TRPM3: variants seen among roughly 807,000 people sequenced by gnomAD.
TRPM3 encodes transient receptor potential cation channel subfamily M member 3, also known as long transient receptor potential channel 3.
Under a neutral mutation model 181.2 loss-of-function variants are expected in TRPM3, and 77 were observed. That is an observed-to-expected ratio of 0.42 (90% CI 0.35 to 0.51). The LOEUF (loss-of-function observed/expected upper bound fraction) is 0.51, where lower values mean the gene tolerates loss of function less well. Among genes scored for constraint, TRPM3 ranks in the 20% least tolerant of loss-of-function variants. The pLI, the probability that TRPM3 is intolerant of heterozygous loss-of-function variation, is 0.01. For missense variants in TRPM3, 1,759 were observed against 2,196.7 expected (o/e 0.80, Z 3.98); for synonymous variants, 745 against 796.4 (o/e 0.94, Z 1.09).
At chr9:71,297,439 G>C (rs910612661) in intron 1 of TRPM3, among the ~76,000 whole-genome samples, 10 of 152,086 alleles carry the variant, frequency 6.6e-5, no homozygotes, top group Non-Finnish European at 1.2e-4. Context: ...TGGTTTAATT[G>C]ACTCACAGTT....
At chr9:70,602,568 T>C (rs2060253245) in intron 20 of TRPM3, among the ~76,000 whole-genome samples, 1 of 152,240 alleles carries the variant, frequency 6.6e-6, no homozygotes, top group African/African-American at 2.4e-5. Context: ...CACTACCTCC[T>C]AAGCCTGCCT....
At chr9:71,179,056 G>T (rs949170839) in intron 1 of TRPM3, among the ~76,000 whole-genome samples, 2 of 152,082 alleles carry the variant, frequency 1.3e-5, no homozygotes, top group South Asian at 4.1e-4. Flanking sequence ...GATTTATAGG[G>T]AATATTCAGA....
chr9:70,996,264 T>C (rs2097540709), intron 1 of TRPM3, among the ~76,000 whole-genome samples: 1 of 152,186 alleles, frequency 6.6e-6, no homozygotes, highest in Non-Finnish European at 1.5e-5. Flanking sequence ...CAGGGGCTCA[T>C]TTTGCTCAGT....
chr9:71,279,650 C>G (rs148163011), intron 1 of TRPM3, among the ~76,000 whole-genome samples: 2,261 of 152,194 alleles, frequency 0.015, 19 homozygotes, highest in Non-Finnish European at 0.023. Flanking sequence ...TTCCCCCAGC[C>G]CCCAAGCAGG....
At chr9:70,925,120 C>T (rs1326391734) in intron 1 of TRPM3, among the ~76,000 whole-genome samples, 1 of 152,172 alleles carries the variant, frequency 6.6e-6, no homozygotes, top group Non-Finnish European at 1.5e-5. Flanking sequence ...TATAGCCCTA[C>T]CTGCCCCTTT....
At chr9:70,684,533 T>A (rs1228744805) in intron 8 of TRPM3, among the ~76,000 whole-genome samples, 1 of 152,214 alleles carries the variant, frequency 6.6e-6, no homozygotes, top group Non-Finnish European at 1.5e-5. Context: ...ACTCCATTTT[T>A]ATTTTATTTG....
At chr9:70,640,082 A>G (rs1538671) in intron 10 of TRPM3, among the ~76,000 whole-genome samples, 116,788 of 151,962 alleles carry the variant, frequency 0.77, 46,472 homozygotes, top group East Asian at 0.92. Flanking sequence ...TGGTTTCCTC[A>G]TGTTGTTCTT....
intron 1 of TRPM3, among the ~76,000 whole-genome samples, chr9:71,010,453 CA>C (rs929583098): frequency 1.3e-5 from 2 of 151,862 alleles, no homozygotes; most frequent in African/African-American, 4.8e-5. Context: ...GAAAAATGCC[CA>C]AAATACCTGA....
At chr9:71,005,362 C>T (rs1358108512) in intron 1 of TRPM3, among the ~76,000 whole-genome samples, 1 of 151,716 alleles carries the variant, frequency 6.6e-6, no homozygotes, top group Non-Finnish European at 1.5e-5. Context: ...GCTGAGATCG[C>T]ACCATTGTAC....
At chr9:70,788,736 C>T (rs2084557836) in intron 6 of TRPM3, among the ~76,000 whole-genome samples, 2 of 151,976 alleles carry the variant, frequency 1.3e-5, no homozygotes, top group African/African-American at 4.8e-5. Flanking sequence ...TCTAGGGTTC[C>T]CATGGTCCCA....
intron 1 of TRPM3, among the ~76,000 whole-genome samples, chr9:71,364,983 T>C (rs1434575918): frequency 6.6e-6 from 1 of 152,318 alleles, no homozygotes; most frequent in East Asian, 1.9e-4. Context: ...CTGCTGGTTT[T>C]AGCAATGTAG....
chr9:71,085,549 A>G (rs2065119911), intron 1 of TRPM3, among the ~76,000 whole-genome samples: 1 of 151,996 alleles, frequency 6.6e-6, no homozygotes, highest in Admixed American at 6.6e-5. Flanking sequence ...GATACTTCTC[A>G]ACAAAGAGCC....
chr9:70,615,150 CT>C (rs2062590399), intron 18 of TRPM3, among the ~76,000 whole-genome samples: 1 of 152,192 alleles, frequency 6.6e-6, no homozygotes, highest in Admixed American at 6.5e-5. Context: ...CCCCTTATAG[CT>C]TCTGGGTCAC....
At chr9:71,069,056 G>A (rs374557894) in intron 1 of TRPM3, among the ~76,000 whole-genome samples, 6 of 152,220 alleles carry the variant, frequency 3.9e-5, no homozygotes, top group African/African-American at 1.4e-4. Flanking sequence ...CCCTTAGACT[G>A]GTTAAATAAA....
At chr9:71,289,158 T>TGAGAGAGA (rs369616489) in intron 1 of TRPM3, among the ~76,000 whole-genome samples, 10 of 145,732 alleles carry the variant, frequency 6.9e-5, no homozygotes, top group Admixed American at 3.5e-4. Context: ...AACAAAACAG[T>TGAGAGAGA]GAGAGAGAGA....
intron 1 of TRPM3, among the ~76,000 whole-genome samples, chr9:71,181,455 C>T (rs1448474687): frequency 1.3e-5 from 2 of 150,634 alleles, no homozygotes; most frequent in East Asian, 3.9e-4. Context: ...CTTAGGTCAA[C>T]TCACTGTATT....
intron 1 of TRPM3, among the ~76,000 whole-genome samples, chr9:71,329,311 G>A (rs757499588): frequency 1.3e-5 from 2 of 152,146 alleles, no homozygotes; most frequent in Non-Finnish European, 2.9e-5. Flanking sequence ...ATAATTTTCT[G>A]TTTTGTACAG....
intron 1 of TRPM3, among the ~76,000 whole-genome samples, chr9:70,885,392 T>C (rs1197109539): frequency 6.6e-6 from 1 of 152,168 alleles, no homozygotes; most frequent in Non-Finnish European, 1.5e-5. Flanking sequence ...GGCAAATTTT[T>C]TTCCCTGGTT....
chr9:70,976,673 C>G (rs1425579483), intron 1 of TRPM3, among the ~76,000 whole-genome samples: 2 of 152,238 alleles, frequency 1.3e-5, no homozygotes, highest in Non-Finnish European at 1.5e-5. Context: ...AAATGCCTGG[C>G]TCCCCATTTC....
Sources: gnomAD v4.1 joint callset for allele counts (sites outside exome capture counted in the v4.1 genomes callset) on GRCh38, gnomAD v4.1.1 for gene constraint, MANE v1.5 for transcripts, NCBI Gene and HGNC (gene_info 2026-07-23, HGNC 2026-07-21) for gene names.